The following DRC8 variants were observed in gnomAD, a reference collection of about 807,000 sequenced individuals.
DRC8 encodes dynein regulatory complex protein 8.
At chr1:245,060,945 G>A in the DRC8 span, among the ~76,000 whole-genome samples, 1 of 152,354 alleles carries the variant, frequency 6.6e-6, no homozygotes, top group East Asian at 1.9e-4. Context: ...ATCTATGGTT[G>A]TTTCCTGACT....
the DRC8 span, among the ~76,000 whole-genome samples, chr1:245,033,937 T>C: frequency 6.6e-6 from 1 of 152,080 alleles, no homozygotes; most frequent in South Asian, 2.1e-4. Flanking sequence ...GCCAGGCCGG[T>C]CTTGAATTCC....
the DRC8 span, among the ~76,000 whole-genome samples, chr1:245,119,479 A>C: frequency 1.3e-5 from 2 of 151,742 alleles, no homozygotes; most frequent in African/African-American, 2.4e-5. Context: ...TCTCGGCAAC[A>C]AAGCGAGGCC....
chr1:245,067,790 C>G, the DRC8 span, among the ~76,000 whole-genome samples: 10 of 152,152 alleles, frequency 6.6e-5, no homozygotes, highest in Non-Finnish European at 1.5e-4. Context: ...TTGACTGTAT[C>G]AAGTTTCTCA....
the DRC8 span, chr1:245,082,254 T>C: frequency 5.1e-6 from 6 of 1,171,184 alleles, no homozygotes; most frequent in South Asian, 6.6e-5. Flanking sequence ...ACTTTGTGTG[T>C]TATACTCAAG....
chr1:245,007,617 G>T, the DRC8 span, among the ~76,000 whole-genome samples: 1 of 152,168 alleles, frequency 6.6e-6, no homozygotes, highest in African/African-American at 2.4e-5. Context: ...TAGGCGGTGG[G>T]TATAGAGTTG....
the DRC8 span, among the ~76,000 whole-genome samples, chr1:244,978,282 T>A: frequency 6.6e-6 from 1 of 151,766 alleles, no homozygotes; most frequent in African/African-American, 2.4e-5. Context: ...TCGCCTGAGG[T>A]TGGAAATTCA....
At chr1:244,990,641 G>T in the DRC8 span, among the ~76,000 whole-genome samples, 4 of 152,106 alleles carry the variant, frequency 2.6e-5, no homozygotes, top group Non-Finnish European at 2.9e-5. Context: ...CCCCATCAAG[G>T]TGTGGTGTTT....
chr1:245,071,337 A>G, the DRC8 span, among the ~76,000 whole-genome samples: 7 of 152,220 alleles, frequency 4.6e-5, no homozygotes, highest in East Asian at 5.8e-4. Context: ...CAATCTTCTT[A>G]GAGATTATCT....
the DRC8 span, among the ~76,000 whole-genome samples, chr1:245,027,054 C>G: frequency 6.6e-6 from 1 of 152,178 alleles, no homozygotes; most frequent in Admixed American, 6.5e-5. Flanking sequence ...GTACTTTTCT[C>G]TGAAATACTG....
the DRC8 span, chr1:245,087,367 T>C: frequency 6.4e-7 from 1 of 1,573,734 alleles, no homozygotes; most frequent in Non-Finnish European, 8.5e-7. Flanking sequence ...TTAAATGTTC[T>C]AAAGATAATT....
At chr1:245,000,817 C>G in the DRC8 span, among the ~76,000 whole-genome samples, 6 of 151,440 alleles carry the variant, frequency 4.0e-5, no homozygotes, top group South Asian at 1.2e-3. Context: ...TGTCTAATAC[C>G]TAAGAGGTGC....
At chr1:245,049,063 C>T in the DRC8 span, among the ~76,000 whole-genome samples, 18 of 151,780 alleles carry the variant, frequency 1.2e-4, no homozygotes, top group African/African-American at 3.9e-4. This position sits in a 1 kb window ranked among gnomAD's most constrained non-coding sequence, Gnocchi z 4.5. Context: ...TCGACTCACG[C>T]AACCTCCACC....
chr1:245,122,361 G>T, the DRC8 span: 2 of 154,968 alleles, frequency 1.3e-5, no homozygotes, highest in African/African-American at 4.8e-5. Context: ...GAGTGACTTA[G>T]TAGCAAGTGA....
chr1:244,993,309 A>G, the DRC8 span, among the ~76,000 whole-genome samples: 1 of 152,170 alleles, frequency 6.6e-6, no homozygotes, highest in East Asian at 1.9e-4. Context: ...CGTTTCTCGC[A>G]CATGTAGAAT....
the DRC8 span, among the ~76,000 whole-genome samples, chr1:245,093,960 T>C: frequency 6.6e-6 from 1 of 152,186 alleles, no homozygotes; most frequent in African/African-American, 2.4e-5. Flanking sequence ...TTAGGAAATG[T>C]ACTGAAGTAT....
chr1:245,053,468 A>T, the DRC8 span, among the ~76,000 whole-genome samples: 1 of 152,124 alleles, frequency 6.6e-6, no homozygotes, highest in African/African-American at 2.4e-5. Context: ...CTCAATGGAG[A>T]GATTAGCTTT....
At chr1:244,998,958 T>G in the DRC8 span, among the ~76,000 whole-genome samples, 2 of 150,988 alleles carry the variant, frequency 1.3e-5, no homozygotes, top group East Asian at 3.9e-4. Flanking sequence ...AGGAAAGATC[T>G]GCCTTCTTTG....
At chr1:245,009,884 T>C in the DRC8 span, among the ~76,000 whole-genome samples, 170 of 152,268 alleles carry the variant, frequency 1.1e-3, 1 homozygote, top group East Asian at 0.028. Context: ...AGATGGAGTC[T>C]CTCTCTGTTG....
the DRC8 span, among the ~76,000 whole-genome samples, chr1:245,018,083 C>T: frequency 0.025 from 3,737 of 151,948 alleles, 167 homozygotes; most frequent in African/African-American, 0.086. Flanking sequence ...AAAAACTAGC[C>T]GGGCACGATG....
Sources: gnomAD v4.1 joint callset for allele counts (sites outside exome capture counted in the v4.1 genomes callset) on GRCh38, gnomAD v4.1.1 for gene constraint, Gnocchi (gnomAD v3.1) non-coding constraint, MANE v1.5 for transcripts, NCBI Gene and HGNC (gene_info 2026-07-23, HGNC 2026-07-21) for gene names.